LMO2: variants seen among roughly 807,000 people sequenced by gnomAD.
LMO2 encodes LIM domain only 2, also known as rhombotin-2.
LMO2 carries 20 observed loss-of-function variants against 23.2 expected under a neutral mutation model. The ratio of observed to expected loss-of-function variants is 0.86; its 90% CI spans 0.61 to 1.25. The LOEUF (loss-of-function observed/expected upper bound fraction) is 1.25. Among genes scored for constraint, LMO2 ranks in the 50% most tolerant of loss-of-function variants. LMO2 has a pLI of 0.00. For missense variants in LMO2, 270 were observed against 315.3 expected, an observed-to-expected ratio of 0.86 and a Z score of 1.09; for synonymous variants, 123 against 130.2, an observed-to-expected ratio of 0.94 and a Z score of 0.38.
At chr11:33,879,859 G>T (rs1329713042) in intron 2 of LMO2, among the ~76,000 whole-genome samples, 1 of 152,178 alleles carries the variant, frequency 6.6e-6, no homozygotes, top group African/African-American at 2.4e-5. Flanking sequence ...GTACTGGTGA[G>T]GATCTGGAGG....
At chr11:33,859,824 C>T (rs1320610535) in intron 5 of LMO2, among the ~76,000 whole-genome samples, 1 of 152,174 alleles carries the variant, frequency 6.6e-6, no homozygotes, top group African/African-American at 2.4e-5. Context: ...GCAGCAACCG[C>T]TCATCATTCC....
At chr11:33,863,732 C>T (rs547173268) in intron 5 of LMO2, among the ~76,000 whole-genome samples, 1 of 152,230 alleles carries the variant, frequency 6.6e-6, no homozygotes, top group African/African-American at 2.4e-5. Flanking sequence ...AATAGGATGG[C>T]CCAGAGCATG....
chr11:33,890,664 A>G (rs893560095), intron 1 of LMO2, among the ~76,000 whole-genome samples: 7 of 152,202 alleles, frequency 4.6e-5, no homozygotes, highest in Non-Finnish European at 7.3e-5. Flanking sequence ...TAAGTTTTTT[A>G]AAAACCTAGA....
intron 1 of LMO2, among the ~76,000 whole-genome samples, chr11:33,888,639 G>A (rs1857470574): frequency 6.6e-6 from 1 of 151,998 alleles, no homozygotes; most frequent in Non-Finnish European, 1.5e-5. Context: ...TAATAACCCG[G>A]GCCAGCGCAT....
At chr11:33,890,692 A>G (rs1857524837) in intron 1 of LMO2, among the ~76,000 whole-genome samples, 2 of 152,204 alleles carry the variant, frequency 1.3e-5, no homozygotes, top group Non-Finnish European at 2.9e-5. Context: ...AATTATAATA[A>G]GTGATATTAT....
At chr11:33,872,867 T>G (rs1393140037) in intron 2 of LMO2, among the ~76,000 whole-genome samples, 2 of 152,136 alleles carry the variant, frequency 1.3e-5, no homozygotes, top group Non-Finnish European at 2.9e-5. Context: ...TTCAAGCGAT[T>G]TTCCCTGCCT....
At chr11:33,870,030 G>C in intron 2 of LMO2, 43 bp from the exon 3 acceptor site, 5 of 798,648 alleles carry the variant, frequency 6.3e-6, no homozygotes, top group Non-Finnish European at 7.7e-6. Context: ...CACATTTAAA[G>C]AGACAGCTGC....
chr11:33,891,228 G>A (rs1040820114), intron 1 of LMO2, among the ~76,000 whole-genome samples: 1 of 152,078 alleles, frequency 6.6e-6, no homozygotes, highest in African/African-American at 2.4e-5. Context: ...TGGGAGCCAA[G>A]GCTTCTCTGA....
chr11:33,887,148 A>G (rs549523097), intron 1 of LMO2, among the ~76,000 whole-genome samples: 6 of 152,396 alleles, frequency 3.9e-5, no homozygotes, highest in Admixed American at 1.3e-4. Context: ...TGAGGGGCCC[A>G]TAGGGGCAAG....
At chr11:33,870,501 C>A in intron 2 of LMO2, 1 of 987,154 alleles carries the variant, frequency 1.0e-6, no homozygotes, top group Non-Finnish European at 1.2e-6. Flanking sequence ...GCTGCGGGCT[C>A]CGGGCTGCGG....
intron 1 of LMO2, among the ~76,000 whole-genome samples, chr11:33,891,346 AACACACACACACACACAC>A (rs57617009): frequency 1.1e-4 from 14 of 125,056 alleles, no homozygotes; most frequent in Admixed American, 3.2e-4. Flanking sequence ...TTGTTAGGCA[AACACACACACACACACAC>A]ACACACACAC....
rs1857227816 is a variant in LMO2, at chr11:33,880,125, T to C, written c.-272+1699A>G. ...CTATCAACAGATGGATTTTTTAAAG[T>C]GATATACGCATACTATTTTATGTGT... On this transcript the variant is annotated intron_variant, in intron 2 of 5. Coordinates refer to ENST00000257818, the MANE Select transcript of LMO2 (RefSeq NM_005574.4). The surrounding 1 kb of genome is among the most constrained non-coding windows in gnomAD (Gnocchi z 4.3). Among the ~76,000 whole-genome samples, 1 of 150,712 alleles carries C rather than the reference T, an allele frequency of 6.6e-6. No individual in the cohort carries two copies. The highest frequency in any genetic ancestry group is 2.4e-5 in the African/African-American group (1 of 41,004).
intron 2 of LMO2, among the ~76,000 whole-genome samples, chr11:33,874,082 CA>C (rs1273481708): frequency 6.6e-6 from 1 of 151,878 alleles, no homozygotes; most frequent in Non-Finnish European, 1.5e-5. Context: ...CATTCAGGAA[CA>C]AAAATAAAGA....
intron 2 of LMO2, among the ~76,000 whole-genome samples, chr11:33,874,438 ACCAGGG>A (rs1857090862): frequency 6.6e-6 from 1 of 152,182 alleles, no homozygotes; most frequent in Non-Finnish European, 1.5e-5. Context: ...TCATAATGTC[ACCAGGG>A]CCAGAACTAG....
In LMO2 at chr11:33,869,321, G is replaced by A. The variant is rs963301700; in HGVS notation, c.248+25C>T. 1.4e-5 allele frequency: 16 copies of A among 1,171,994 alleles called. No homozygotes were observed. In the East Asian group the frequency reaches 6.3e-4, roughly 46 times the overall value. 72.6% of individuals were successfully genotyped at this position (1,171,994 alleles called of 1,614,324 possible). ...CGCGAGGCCGTGGACACCGGGGGTG[G>A]CAGGGGCAGGGGGGCCGCACTTACT... On this transcript the variant is annotated intron_variant, in intron 4 of 5. Transcript: ENST00000257818.
chr11:33,860,204 A>G (rs1856519042), intron 5 of LMO2, among the ~76,000 whole-genome samples: 2 of 152,130 alleles, frequency 1.3e-5, no homozygotes, highest in Non-Finnish European at 2.9e-5. Flanking sequence ...TGCCTCTGAG[A>G]TATGGAGGAC....
chr11:33,887,185 A>G (rs934134527), intron 1 of LMO2, among the ~76,000 whole-genome samples: 13 of 152,270 alleles, frequency 8.5e-5, no homozygotes, highest in African/African-American at 3.1e-4. Flanking sequence ...AGCAGTAAGG[A>G]AAACTGATTT....
chr11:33,876,110 C>T (rs1857132408), intron 2 of LMO2, among the ~76,000 whole-genome samples: 1 of 152,202 alleles, frequency 6.6e-6, no homozygotes, highest in African/African-American at 2.4e-5. Flanking sequence ...CTGGATCACC[C>T]CATGGCTCCC....
chr11:33,864,930 C>T lies in LMO2; in HGVS notation c.249-113G>A. The T allele has an allele frequency of 1.1e-6, 1 of 925,446 alleles. No homozygotes were observed. The highest frequency in any genetic ancestry group is 1.7e-6 in the Non-Finnish European group (1 of 579,706). 57.3% of individuals were successfully genotyped at this position (925,446 alleles called of 1,614,324 possible). ...TCTCACCTGACTGCCTTTCAGTGACCTAAGGGAGAAGGGACAGGACAACAC... is the reference window on the plus strand; with the variant it reads ...TCTCACCTGACTGCCTTTCAGTGACTTAAGGGAGAAGGGACAGGACAACAC... On this transcript the variant is annotated intron_variant, in intron 4 of 5. Transcript: ENST00000257818. The surrounding 1 kb of genome is among the most constrained non-coding windows in gnomAD (Gnocchi z 4.8).
Sources: gnomAD v4.1 joint callset for allele counts (sites outside exome capture counted in the v4.1 genomes callset) on GRCh38, gnomAD v4.1.1 for gene constraint, Gnocchi (gnomAD v3.1) non-coding constraint, MANE v1.5 for transcripts, NCBI Gene and HGNC (gene_info 2026-07-23, HGNC 2026-07-21) for gene names.